Variants in NFATC2 observed in about 807,000 individuals in gnomAD.
NFATC2 encodes nuclear factor of activated T-cells, cytoplasmic 2.
In NFATC2, 22 loss-of-function variants were observed where a neutral mutation model predicts 87.3. The observed-to-expected ratio is 0.25, with a 90% CI of 0.18 to 0.36. NFATC2 has a LOEUF of 0.36. Among genes scored for constraint, NFATC2 ranks in the 10% least tolerant of loss-of-function variants. NFATC2 has a pLI of 1.00. For synonymous variants in NFATC2, 565 were observed against 542.2 expected, an observed-to-expected ratio of 1.04 and a Z score of -0.58; for missense variants, 1,149 against 1,259.1, an observed-to-expected ratio of 0.91 and a Z score of 1.32.
intron 3 of NFATC2, among the ~76,000 whole-genome samples, chr20:51,486,907 G>A (rs1989756807): frequency 6.6e-6 from 1 of 152,136 alleles, no homozygotes; most frequent in African/African-American, 2.4e-5. Flanking sequence ...TACACTGAAA[G>A]TCAGAAGAGC....
intron 1 of NFATC2, among the ~76,000 whole-genome samples, chr20:51,558,537 G>A (rs754665502): frequency 4.6e-5 from 7 of 151,946 alleles, no homozygotes; most frequent in East Asian, 1.9e-4. Context: ...AGTAATGACC[G>A]CAATTATTTT....
intron 1 of NFATC2, among the ~76,000 whole-genome samples, chr20:51,526,661 G>A (rs1348115184): frequency 1.3e-5 from 2 of 152,140 alleles, no homozygotes; most frequent in African/African-American, 2.4e-5. Context: ...CCACCCCAGT[G>A]AGCCTCAGCC....
intron 3 of NFATC2, among the ~76,000 whole-genome samples, chr20:51,509,286 T>G (rs1568706639): frequency 6.6e-6 from 1 of 152,110 alleles, no homozygotes; most frequent in African/African-American, 2.4e-5. Context: ...TATTTAAAAT[T>G]TTCCTATTTA....
intron 1 of NFATC2, among the ~76,000 whole-genome samples, chr20:51,552,995 C>T (rs558697318): frequency 1.3e-5 from 2 of 152,092 alleles, no homozygotes; most frequent in Non-Finnish European, 2.9e-5. Context: ...GGCCCCAGTG[C>T]TTCTTGTTCT....
chr20:51,488,384 G>A (rs576492627), intron 3 of NFATC2, among the ~76,000 whole-genome samples: 1 of 152,218 alleles, frequency 6.6e-6, no homozygotes, highest in African/African-American at 2.4e-5. Context: ...TATTGATTTG[G>A]GGGCCAAATA....
At chr20:51,560,026 G>A (rs1282286992) in intron 1 of NFATC2, among the ~76,000 whole-genome samples, 1 of 152,204 alleles carries the variant, frequency 6.6e-6, no homozygotes, top group Non-Finnish European at 1.5e-5. Flanking sequence ...TTGGAAAGTA[G>A]AAAGTACTGC....
chr20:51,433,792 G>C (rs1045191446), intron 8 of NFATC2, among the ~76,000 whole-genome samples: 1 of 150,184 alleles, frequency 6.7e-6, no homozygotes, highest in Non-Finnish European at 1.5e-5. Context: ...TGTGTGTTGT[G>C]GTGGGGGACC....
chr20:51,448,314 C>T (rs568471256), intron 6 of NFATC2, among the ~76,000 whole-genome samples: 83 of 152,150 alleles, frequency 5.5e-4, no homozygotes, highest in Non-Finnish European at 1.1e-3. Context: ...TGAGCTGAGA[C>T]TGGGAGGAAT....
intron 3 of NFATC2, among the ~76,000 whole-genome samples, chr20:51,495,109 A>G (rs777399178): frequency 6.6e-6 from 1 of 152,080 alleles, no homozygotes; most frequent in Non-Finnish European, 1.5e-5. Flanking sequence ...TTTTCTAGAC[A>G]GCTTCCCACT....
At chr20:51,476,834 C>T (rs373139471) in intron 3 of NFATC2, among the ~76,000 whole-genome samples, 1 of 152,128 alleles carries the variant, frequency 6.6e-6, no homozygotes, top group Non-Finnish European at 1.5e-5. Context: ...AATTAGACAG[C>T]CATGAGATAC....
intron 5 of NFATC2, among the ~76,000 whole-genome samples, chr20:51,458,937 G>A (rs929011438): frequency 3.9e-5 from 6 of 152,160 alleles, no homozygotes; most frequent in Non-Finnish European, 1.5e-5. Context: ...ACTGCTGCTT[G>A]GGCTCCGGGG....
intron 1 of NFATC2, among the ~76,000 whole-genome samples, chr20:51,526,893 G>C (rs958142127): frequency 6.6e-6 from 1 of 151,932 alleles, no homozygotes; most frequent in African/African-American, 2.4e-5. Context: ...CCAGCCAAAG[G>C]GGAGTGTGGT....
At chr20:51,462,311 T>C (rs1600791094) in intron 5 of NFATC2, among the ~76,000 whole-genome samples, 1 of 148,704 alleles carries the variant, frequency 6.7e-6, no homozygotes, top group African/African-American at 2.5e-5. Context: ...CTGGGCATGA[T>C]GGCACGCACC....
Position 51,387,466 on chromosome 20 carries a change from A to G in NFATC2, c.*4030T>C, listed in dbSNP as rs953671924. On this transcript the variant is annotated 3_prime_UTR_variant, in exon 11 of 11. Transcript: ENST00000371564. ...ATGGCTCAGGGAGCAACTCTCTGTT[A>G]TCAACCACCAGAAAAGTTTGTTTTT... 3 of 152,224 alleles carry G rather than the reference A, an allele frequency of 2.0e-5. No homozygotes were observed. 9.4% of individuals were successfully genotyped at this position (152,224 alleles called of 1,614,324 possible). A position where few individuals can be genotyped will look rare whatever the true frequency, so the allele number is the denominator to read the frequency against.
chr20:51,474,971 A>ATTT (rs370019272), intron 4 of NFATC2, among the ~76,000 whole-genome samples: 5 of 141,288 alleles, frequency 3.5e-5, no homozygotes, highest in African/African-American at 1.3e-4. Flanking sequence ...TACTTTATTT[A>ATTT]TTTTTTTTTT....
intron 3 of NFATC2, among the ~76,000 whole-genome samples, chr20:51,516,499 C>G (rs2076353437): frequency 6.6e-6 from 1 of 152,220 alleles, no homozygotes; most frequent in Admixed American, 6.5e-5. Flanking sequence ...ACACAAACCT[C>G]TGCAAAACTC....
At chr20:51,530,363 T>G (rs945933686) in intron 1 of NFATC2, among the ~76,000 whole-genome samples, 6 of 152,176 alleles carry the variant, frequency 3.9e-5, no homozygotes, top group African/African-American at 1.4e-4. Context: ...GAGACAGGGT[T>G]TCACCATGTT....
At chr20:51,396,927 C>CTT (rs367640265) in intron 10 of NFATC2, among the ~76,000 whole-genome samples, 18 of 151,310 alleles carry the variant, frequency 1.2e-4, no homozygotes, top group African/African-American at 3.6e-4. Context: ...TCCCCTGTGC[C>CTT]TTTTTTTTTG....
chr20:51,507,253 T>C (rs936724257), intron 3 of NFATC2, among the ~76,000 whole-genome samples: 1 of 152,138 alleles, frequency 6.6e-6, no homozygotes, highest in African/African-American at 2.4e-5. Context: ...TCACCCCTCG[T>C]CGAACAGGAA....
Sources: allele counts gnomAD v4.1 joint callset (sites outside exome capture counted in the v4.1 genomes callset), GRCh38; gene constraint gnomAD v4.1.1; transcripts MANE v1.5; gene names NCBI Gene and HGNC (gene_info 2026-07-23, HGNC 2026-07-21).